SMYD3: variants seen among roughly 807,000 people sequenced by gnomAD.
SMYD3 encodes histone-lysine N-methyltransferase SMYD3.
A neutral mutation model predicts 57.7 loss-of-function variants in SMYD3; 36 were observed. That is an observed-to-expected ratio of 0.62 (90% confidence interval 0.48 to 0.82). The LOEUF is 0.82. SMYD3 is among the 40% of genes least tolerant of loss of function. The pLI is 0.00. For missense variants in SMYD3, 515 were observed against 538.8 expected, an observed-to-expected ratio of 0.96 and a Z score of 0.44; for synonymous variants, 211 against 195.0, an observed-to-expected ratio of 1.08 and a Z score of -0.68.
At chr1:246,077,341 C>A (rs2060565434) in intron 5 of SMYD3, among the ~76,000 whole-genome samples, 1 of 152,174 alleles carries the variant, frequency 6.6e-6, no homozygotes, top group Non-Finnish European at 1.5e-5. Context: ...ATCAAGGAAT[C>A]CCACAAAATC....
At chr1:245,944,653 A>G (rs1558520423) in intron 5 of SMYD3, among the ~76,000 whole-genome samples, 1 of 152,212 alleles carries the variant, frequency 6.6e-6, no homozygotes, top group South Asian at 2.1e-4. Flanking sequence ...TAAAATCCAT[A>G]TGGAACCAAA....
rs140985039 is a variant in SMYD3, at chr1:246,176,669, C to T, written c.531+150532G>A. Among the ~76,000 whole-genome samples, 376 of 152,212 alleles carry T rather than the reference C, an allele frequency of 2.5e-3. 1 individual carries two copies. Among genetic ancestry groups the T allele is most frequent in the Non-Finnish European group, 3.5e-3 (241 of 68,006 alleles). ...TCCTGAGTAGCTGGGCCCACAGGTG[C>T]GTGCCAACATGCCTGGCAAATTACT... On this transcript the variant is annotated intron_variant, in intron 5 of 11. Transcript: ENST00000490107.
chr1:246,300,069 G>A (rs2064867009), intron 5 of SMYD3, among the ~76,000 whole-genome samples: 1 of 148,248 alleles, frequency 6.7e-6, no homozygotes, highest in Non-Finnish European at 1.5e-5. Flanking sequence ...CAATGGAATA[G>A]TATACAACCA....
chr1:246,194,850 G>A (rs775175123), intron 5 of SMYD3, among the ~76,000 whole-genome samples: 22 of 152,096 alleles, frequency 1.4e-4, no homozygotes, highest in African/African-American at 4.3e-4. Context: ...TCTCCTTCAC[G>A]AAGATTTTCC....
At chr1:246,110,204 G>C (rs61839124) in intron 5 of SMYD3, among the ~76,000 whole-genome samples, 26,584 of 152,138 alleles carry the variant, frequency 0.17, 2,999 homozygotes, top group East Asian at 0.41. Flanking sequence ...CCAGAAATCA[G>C]GTTCTGTCTT....
chr1:245,824,527 G>A (rs1317695864), intron 10 of SMYD3, among the ~76,000 whole-genome samples: 1 of 151,812 alleles, frequency 6.6e-6, no homozygotes, highest in Admixed American at 6.6e-5. Flanking sequence ...GACCAGCCTG[G>A]CCAACATGGT....
chr1:246,442,931 CT>C (rs1426149502), intron 1 of SMYD3, among the ~76,000 whole-genome samples: 1 of 152,206 alleles, frequency 6.6e-6, no homozygotes, highest in African/African-American at 2.4e-5. Flanking sequence ...TCTTATCTCC[CT>C]TCCAGAATTC....
At chr1:245,752,538 C>G (rs2045435544) in intron 11 of SMYD3, among the ~76,000 whole-genome samples, 1 of 152,226 alleles carries the variant, frequency 6.6e-6, no homozygotes, top group African/African-American at 2.4e-5. Context: ...ATACTACAGG[C>G]TCCAGGCTTC....
intron 5 of SMYD3, among the ~76,000 whole-genome samples, chr1:245,949,085 C>G (rs554642691): frequency 6.6e-6 from 1 of 152,346 alleles, no homozygotes; most frequent in South Asian, 2.1e-4. Flanking sequence ...AACACCAACA[C>G]TGGCCACTTG....
At chr1:246,476,796 C>CT (rs1349080429) in intron 1 of SMYD3, among the ~76,000 whole-genome samples, 5 of 152,014 alleles carry the variant, frequency 3.3e-5, no homozygotes, top group South Asian at 2.1e-4. Context: ...AAGAAAACAA[C>CT]TTTTTCTTTT....
intron 5 of SMYD3, among the ~76,000 whole-genome samples, chr1:246,200,450 G>A (rs1471756587): frequency 6.6e-6 from 1 of 152,048 alleles, no homozygotes; most frequent in African/African-American, 2.4e-5. Flanking sequence ...GGAGAACAGC[G>A]TAGATGCTGA....
At chr1:246,231,825 G>A (rs2063412560) in intron 5 of SMYD3, among the ~76,000 whole-genome samples, 1 of 152,164 alleles carries the variant, frequency 6.6e-6, no homozygotes, top group South Asian at 2.1e-4. Flanking sequence ...TTTTCAAAAG[G>A]AAGGGTACAA....
intron 5 of SMYD3, among the ~76,000 whole-genome samples, chr1:245,950,078 C>T (rs962859454): frequency 1.3e-5 from 2 of 152,044 alleles, no homozygotes; most frequent in Admixed American, 6.6e-5. Context: ...TTTAAGGACA[C>T]AAGAAACATG....
intron 5 of SMYD3, among the ~76,000 whole-genome samples, chr1:246,194,886 G>A (rs2062806963): frequency 6.6e-6 from 1 of 152,106 alleles, no homozygotes; most frequent in Admixed American, 6.6e-5. Context: ...GAATTACATT[G>A]GGTCCCTCGT....
chr1:246,306,368 T>TTTGAAAAAA (rs1195805704), intron 5 of SMYD3, among the ~76,000 whole-genome samples: 5 of 152,074 alleles, frequency 3.3e-5, no homozygotes, highest in African/African-American at 4.8e-5. Context: ...CAGCGGGGTG[T>TTTGAAAAAA]ATCTTCAAAC....
chr1:246,019,270 A>C (rs1465444203), intron 5 of SMYD3, among the ~76,000 whole-genome samples: 1 of 152,206 alleles, frequency 6.6e-6, no homozygotes, highest in Non-Finnish European at 1.5e-5. Flanking sequence ...GGATACTGCT[A>C]CACACCCTAC....
chr1:246,443,665 T>C (rs1217485474), intron 1 of SMYD3, among the ~76,000 whole-genome samples: 1 of 152,166 alleles, frequency 6.6e-6, no homozygotes, highest in East Asian at 1.9e-4. Context: ...ACTTGTACAT[T>C]TCCTAAAAGA....
At chr1:246,303,204 G>A (rs1394548927) in intron 5 of SMYD3, among the ~76,000 whole-genome samples, 6 of 152,166 alleles carry the variant, frequency 3.9e-5, no homozygotes, top group African/African-American at 1.4e-4. Context: ...GCTAATAATA[G>A]TGCCTGCTTC....
chr1:246,297,260 G>A (rs1435302746), intron 5 of SMYD3, among the ~76,000 whole-genome samples: 1 of 152,112 alleles, frequency 6.6e-6, no homozygotes, highest in Non-Finnish European at 1.5e-5. Flanking sequence ...GGTGACAGAG[G>A]TATCTTCAAA....
Sources: allele counts gnomAD v4.1 joint callset (sites outside exome capture counted in the v4.1 genomes callset), GRCh38; gene constraint gnomAD v4.1.1; transcripts MANE v1.5; gene names NCBI Gene and HGNC (gene_info 2026-07-23, HGNC 2026-07-21).